Variants in ARID1B observed in about 807,000 individuals in gnomAD.
ARID1B encodes AT-rich interaction domain 1B, also known as AT-rich interactive domain-containing protein 1B.
Under a neutral mutation model 212.3 loss-of-function variants are expected in ARID1B, and 30 were observed. The ratio of observed to expected loss-of-function variants is 0.14; its 90% CI spans 0.11 to 0.19. The LOEUF (loss-of-function observed/expected upper bound fraction) is 0.19. ARID1B is among the 10% of genes least tolerant of loss of function. The pLI is 1.00. For missense variants in ARID1B, 2,891 were observed against 3,204.0 expected, an observed-to-expected ratio of 0.90 and a Z score of 2.36; for synonymous variants, 1,402 against 1,301.7, an observed-to-expected ratio of 1.08 and a Z score of -1.66.
chr6:156,829,286 C>G lies in ARID1B; in HGVS notation c.1851C>G (p.Asn617Lys), dbSNP rs1217395033. 3 of 1,614,202 alleles carry G rather than the reference C, an allele frequency of 1.9e-6. No individual in the cohort carries two copies. The South Asian group carries it at 3.3e-5, about 18-fold the overall frequency. Reference sequence around the variant, plus strand: ...CTCAGTTGTATGGCATGGGCAGTAACCCTCATTCTCAGCCTCAGCAGAGCA... The same window carrying G: ...CTCAGTTGTATGGCATGGGCAGTAAGCCTCATTCTCAGCCTCAGCAGAGCA... ...KRPQLYGMGSNPHSQPQQSSP... is the reference protein window; with the variant it reads ...KRPQLYGMGSKPHSQPQQSSP... The change falls in exon 2 of 20, where the codon AAC becomes AAG. Residue 617 changes from asparagine to lysine, a missense_variant. Physicochemically the swap from Asn to Lys is moderately conservative, Grantham distance 94. This residue lies in a region of ARID1B where 1,643 missense variants were observed against 1,544.0 expected (regional missense o/e 1.06). Coordinates refer to ENST00000636930, the MANE Select transcript of ARID1B (RefSeq NM_001374828.1).
chr6:156,853,349 A>G (rs1277120656), intron 2 of ARID1B, among the ~76,000 whole-genome samples: 1 of 152,166 alleles, frequency 6.6e-6, no homozygotes, highest in Non-Finnish European at 1.5e-5. Flanking sequence ...GAGGATGAGT[A>G]TTTTCCCACC....
At chr6:156,853,982 T>G (rs1378429699) in intron 2 of ARID1B, among the ~76,000 whole-genome samples, 3 of 152,152 alleles carry the variant, frequency 2.0e-5, no homozygotes, top group Non-Finnish European at 4.4e-5. Context: ...ATCCCCCACT[T>G]TGGCTTCTCA....
At chr6:156,971,328 A>T (rs1463644747) in intron 4 of ARID1B, among the ~76,000 whole-genome samples, 1 of 152,222 alleles carries the variant, frequency 6.6e-6, no homozygotes, top group African/African-American at 2.4e-5. Context: ...TGCCTTAATC[A>T]ATTTAGTCCC....
chr6:157,171,104 C>T (rs143788682), intron 9 of ARID1B, among the ~76,000 whole-genome samples: 13 of 152,270 alleles, frequency 8.5e-5, no homozygotes, highest in Non-Finnish European at 1.0e-4. Flanking sequence ...TGTTGAAGTT[C>T]GGTTTGACTC....
chr6:157,106,780 C>G (rs1195057452), intron 5 of ARID1B, among the ~76,000 whole-genome samples: 1 of 152,162 alleles, frequency 6.6e-6, no homozygotes, highest in Admixed American at 6.5e-5. Context: ...GAGGGTGTGT[C>G]TGCCACAGTG....
rs957735797 is a variant in ARID1B, at chr6:156,997,443, G to A, written c.2247+61867G>A. On this transcript the variant is annotated intron_variant, in intron 4 of 19. Coordinates refer to ENST00000636930, the MANE Select transcript of ARID1B (RefSeq NM_001374828.1). ...TATTGAAATAACAATTCTTTATATC[G>A]TCACTGTCATGAATTCTTACCTTTG... Among the ~76,000 whole-genome samples, 3 of 152,096 alleles carry A rather than the reference G, an allele frequency of 2.0e-5. No homozygotes were observed. The East Asian group carries it at 5.8e-4, about 29-fold the overall frequency.
Position 157,190,234 on chromosome 6 carries a change from C to T in ARID1B, c.4231+24C>T, listed in dbSNP as rs370722954. On this transcript the variant is annotated intron_variant, in intron 15 of 19. Coordinates refer to ENST00000636930, the MANE Select transcript of ARID1B (RefSeq NM_001374828.1). The surrounding 1 kb of genome is among the most constrained non-coding windows in gnomAD (Gnocchi z 4.6). The stretch of plus-strand genomic sequence containing the variant: ...AGGTACGTGTAGAGGGGCCTCCACC[C>T]GGCCATGGACCAGTGGGCATTCTAC... 80 of 1,590,474 alleles carry T rather than the reference C, an allele frequency of 5.0e-5. No individual in the cohort carries two copies. Among genetic ancestry groups the T allele is most frequent in the Middle Eastern group, 1.7e-4 (1 of 5,964 alleles).
chr6:156,930,817 T>A (rs1211770278), intron 3 of ARID1B, among the ~76,000 whole-genome samples: 2 of 152,158 alleles, frequency 1.3e-5, no homozygotes, highest in Non-Finnish European at 2.9e-5. Flanking sequence ...TATGCTCTAG[T>A]TGTATATAAA....
chr6:157,064,833 C>G (rs979054998), intron 4 of ARID1B, among the ~76,000 whole-genome samples: 1 of 152,330 alleles, frequency 6.6e-6, no homozygotes. Flanking sequence ...AGCCCCGGCT[C>G]TCACTTTCTC....
Position 156,874,085 on chromosome 6 carries a change from T to TG in ARID1B, c.1987-27291_1987-27290insG, listed in dbSNP as rs1247947542. Among the ~76,000 whole-genome samples the TG allele has an allele frequency of 9.2e-5, 14 of 152,312 alleles. No homozygotes were observed. In the East Asian group the frequency reaches 2.5e-3, roughly 27 times the overall value. On this transcript the variant is annotated intron_variant, in intron 2 of 19. Coordinates refer to ENST00000636930, the MANE Select transcript of ARID1B (RefSeq NM_001374828.1). ...TGTTTAGGTTTTTTGTTTGTTTGTTTTATTTTGTTTAAACAGGGTCTCACT... is the reference window on the plus strand; with the variant it reads ...TGTTTAGGTTTTTTGTTTGTTTGTTTGTATTTTGTTTAAACAGGGTCTCACT...
At chr6:157,156,139 A>C (rs1183155782) in intron 8 of ARID1B, among the ~76,000 whole-genome samples, 1 of 152,224 alleles carries the variant, frequency 6.6e-6, no homozygotes, top group Non-Finnish European at 1.5e-5. Context: ...GTCAAGCCCC[A>C]GTTGTAGTGG....
At position 157,057,470 on chromosome 6, in the gene ARID1B, T is replaced by C. The variant is rs530082596; in HGVS notation, c.2248-27192T>C. The stretch of plus-strand genomic sequence containing the variant: ...ACTGTATAGATGAGATAGATAGTTA[T>C]GTAAGATGAGGTTTCACTATGTTGT... On this transcript the variant is annotated intron_variant, in intron 4 of 19. Coordinates refer to ENST00000636930, the MANE Select transcript of ARID1B (RefSeq NM_001374828.1). 3.9e-5 allele frequency among the ~76,000 whole-genome samples: 6 copies of C among 152,092 alleles called. No individual in the cohort carries two copies. The South Asian group carries it at 1.0e-3, about 26-fold the overall frequency.
At chr6:156,786,565 A>G (rs1027185096) in intron 1 of ARID1B, among the ~76,000 whole-genome samples, 1 of 152,190 alleles carries the variant, frequency 6.6e-6, no homozygotes, top group Admixed American at 6.5e-5. Flanking sequence ...TCAGTTATGT[A>G]CTTTAACACC....
chr6:156,952,985 C>G (rs906209645), intron 4 of ARID1B, among the ~76,000 whole-genome samples: 1 of 152,200 alleles, frequency 6.6e-6, no homozygotes. Context: ...GGGAAAATTA[C>G]TAGCTGGGCA....
intron 13 of ARID1B, among the ~76,000 whole-genome samples, chr6:157,188,005 TC>T (rs903687058): frequency 2.2e-4 from 33 of 152,310 alleles, no homozygotes; most frequent in African/African-American, 7.7e-4. Context: ...ACGGCTTTCT[TC>T]CTTTACTCCA....
In ARID1B at chr6:156,778,836, C is replaced by A; in HGVS notation, c.1156C>A (p.Arg386=). The A allele has an allele frequency of 7.1e-7, 1 of 1,416,340 alleles. No individual in the cohort carries two copies. The highest frequency in any genetic ancestry group is 9.2e-7 in the Non-Finnish European group (1 of 1,082,550). 87.7% of individuals were successfully genotyped at this position (1,416,340 alleles called of 1,614,324 possible). Residue 386 remains arginine (R), a synonymous_variant, in exon 1 of 20, where the codon CGG becomes AGG. Coordinates refer to ENST00000636930, the MANE Select transcript of ARID1B (RefSeq NM_001374828.1). ...SQCNHYPGYS[R]PGAGGGGGGG... Reference sequence around the variant, plus strand: ...GTGCAACCATTATCCGGGCTACAGCCGGCCCGGCGCGGGCGGCGGCGGCGG... The same window carrying A: ...GTGCAACCATTATCCGGGCTACAGCAGGCCCGGCGCGGGCGGCGGCGGCGG...
At chr6:156,789,463 C>A (rs1184981036) in intron 1 of ARID1B, among the ~76,000 whole-genome samples, 1 of 152,056 alleles carries the variant, frequency 6.6e-6, no homozygotes, top group Non-Finnish European at 1.5e-5. Context: ...TGATGGGATT[C>A]TTTGGTGACC....
chr6:156,832,292 G>A (rs1783195908), intron 2 of ARID1B, among the ~76,000 whole-genome samples: 1 of 152,178 alleles, frequency 6.6e-6, no homozygotes, highest in African/African-American at 2.4e-5. Context: ...CAGGGTCCTG[G>A]CACTGTGATT....
rs146000979 is a variant in ARID1B at position 157,010,774 on chromosome 6, C to A, written c.2248-73888C>A. ...ATGTGTGAAACTGAAAAATCTTTCTCTAGTGCTTAATCCTTCACGATAAGA... is the reference window on the plus strand; with the variant it reads ...ATGTGTGAAACTGAAAAATCTTTCTATAGTGCTTAATCCTTCACGATAAGA... On this transcript the variant is annotated intron_variant, in intron 4 of 19. Transcript: ENST00000636930. 4.0e-4 allele frequency among the ~76,000 whole-genome samples: 61 copies of A among 152,262 alleles called. No homozygotes were observed. In the East Asian group the frequency reaches 5.0e-3, roughly 13 times the overall value.
Sources: gnomAD v4.1 joint callset for allele counts (sites outside exome capture counted in the v4.1 genomes callset) on GRCh38, gnomAD v4.1.1 for gene constraint, gnomAD v4.1.1 regional missense constraint, Gnocchi (gnomAD v3.1) non-coding constraint, MANE v1.5 for transcripts, NCBI Gene and HGNC (gene_info 2026-07-23, HGNC 2026-07-21) for gene names.